CRYL1: variants seen among roughly 807,000 people sequenced by gnomAD.
CRYL1 encodes the protein crystallin lambda 1.
Under a neutral mutation model 36.6 loss-of-function variants are expected in CRYL1, and 29 were observed. The observed-to-expected ratio is 0.79, with a 90% CI of 0.59 to 1.08. CRYL1 has a LOEUF of 1.08. Among genes scored for constraint, CRYL1 ranks in the 50% least tolerant of loss-of-function variants. CRYL1 has a pLI of 0.00. For synonymous variants in CRYL1, 152 were observed against 151.5 expected (o/e 1.00, Z -0.02); for missense variants, 411 against 407.9 (o/e 1.01, Z -0.06).
At position 20,432,148 on chromosome 13, in the gene CRYL1, T is replaced by C; in HGVS notation, c.587A>G (p.Asn196Ser). The C allele has an allele frequency of 6.2e-7, 1 of 1,613,928 alleles. No individual in the cohort carries two copies. The highest frequency in any genetic ancestry group is 8.5e-7 in the Non-Finnish European group (1 of 1,179,968). Residue 196 changes from asparagine (N) to serine (S), a missense_variant, in exon 5 of 8, where the codon AAC becomes AGC. By Grantham distance (46) the Asn-to-Ser change is conservative. Coordinates refer to ENST00000298248, the MANE Select transcript of CRYL1 (RefSeq NM_015974.3). ...GCTGATGATTGCATATTGCAGGCGG[T>C]TCAGAACGAAGCCGGCCACCTCCTT... ...VQKEVAGFVLNRLQYAIISEA... is the reference protein window; with the variant it reads ...VQKEVAGFVLSRLQYAIISEA...
intron 5 of CRYL1, chr13:20,431,881 A>T: frequency 6.7e-7 from 1 of 1,492,756 alleles, no homozygotes; most frequent in Non-Finnish European, 8.9e-7. Flanking sequence ...GGTGACTGTA[A>T]GAAGAACCTC....
At chr13:20,417,824 G>A (rs1593430677) in intron 5 of CRYL1, among the ~76,000 whole-genome samples, 1 of 152,072 alleles carries the variant, frequency 6.6e-6, no homozygotes, top group East Asian at 1.9e-4. Context: ...ATGCAAGATA[G>A]TTAATAACGT....
At chr13:20,404,489 A>G in intron 7 of CRYL1, 146 bp downstream of exon 7, 1 of 656,954 alleles carries the variant, frequency 1.5e-6, no homozygotes. Flanking sequence ...GGAAGTATGA[A>G]CAAAGTTATG....
At chr13:20,453,104 A>G (rs2032605918) in intron 3 of CRYL1, among the ~76,000 whole-genome samples, 1 of 152,226 alleles carries the variant, frequency 6.6e-6, no homozygotes, top group African/African-American at 2.4e-5. Flanking sequence ...ATTATCAACC[A>G]ACTTGATCTA....
At chr13:20,446,053 C>T (rs978076151) in intron 3 of CRYL1, among the ~76,000 whole-genome samples, 1 of 152,166 alleles carries the variant, frequency 6.6e-6, no homozygotes, top group Non-Finnish European at 1.5e-5. Context: ...AGAATGGGCA[C>T]TACTTTACTT....
intron 3 of CRYL1, among the ~76,000 whole-genome samples, chr13:20,459,165 G>A (rs1421741110): frequency 1.3e-5 from 2 of 151,256 alleles, no homozygotes; most frequent in South Asian, 2.1e-4. Flanking sequence ...GATCCCGGGA[G>A]GCGGAGCTTG....
rs186459479 is a variant in CRYL1, at chr13:20,520,247, G to A, written c.41+5507C>T. ...GGATAAGTTTATTAAGTTTTGAGGAGCAATGTGGCAATTACCAGAGGGAAA... is the reference window on the plus strand; with the variant it reads ...GGATAAGTTTATTAAGTTTTGAGGAACAATGTGGCAATTACCAGAGGGAAA... On this transcript the variant is annotated intron_variant, in intron 1 of 7. Transcript: ENST00000298248. Among the ~76,000 whole-genome samples, 7 of 152,322 alleles carry A rather than the reference G, an allele frequency of 4.6e-5. No individual in the cohort carries two copies. The East Asian group carries it at 1.4e-3, about 29-fold the overall frequency.
At chr13:20,475,463 A>C in intron 3 of CRYL1, among the ~76,000 whole-genome samples, 1 of 152,246 alleles carries the variant, frequency 6.6e-6, no homozygotes, top group Admixed American at 6.5e-5. Flanking sequence ...AAAGCAATCA[A>C]AAATATTCCT....
intron 2 of CRYL1, among the ~76,000 whole-genome samples, chr13:20,505,330 C>T (rs2033773488): frequency 7.3e-6 from 1 of 137,532 alleles, no homozygotes; most frequent in Admixed American, 7.8e-5. Flanking sequence ...GCACTCCAGC[C>T]TGGGCAACAA....
Position 20,474,797 on chromosome 13 carries a change from G to A in CRYL1, c.276+14573C>T, listed in dbSNP as rs148264513. Among the ~76,000 whole-genome samples the A allele has an allele frequency of 1.3e-3, 192 of 152,186 alleles. 1 individual carries two copies. Among genetic ancestry groups the A allele is most frequent in the Middle Eastern group, 6.8e-3 (2 of 294 alleles). On this transcript the variant is annotated intron_variant, in intron 3 of 7. Coordinates refer to ENST00000298248, the MANE Select transcript of CRYL1 (RefSeq NM_015974.3). ...CCCAGAAAGGTTTGCTGGAGAAACC[G>A]TCACCTGCCTGGACTTGCCCCAGCC... is the stretch of plus-strand genomic sequence containing the variant.
At chr13:20,418,823 A>G (rs1593431223) in intron 5 of CRYL1, 1 of 152,230 alleles carries the variant, frequency 6.6e-6, no homozygotes, top group Non-Finnish European at 1.5e-5. Flanking sequence ...ATGAGGTTCT[A>G]TTCAAGTTCT....
At chr13:20,404,605 T>C in intron 7 of CRYL1, 30 bp downstream of exon 7, 1 of 1,455,994 alleles carries the variant, frequency 6.9e-7, no homozygotes. Flanking sequence ...AACATGCTTC[T>C]CTGCAGTGAG....
At chr13:20,466,970 C>T (rs1287615206) in intron 3 of CRYL1, among the ~76,000 whole-genome samples, 6 of 148,994 alleles carry the variant, frequency 4.0e-5, no homozygotes, top group South Asian at 2.1e-4. Context: ...TTTTCTGAGA[C>T]GGAGTCTCAC....
intron 3 of CRYL1, among the ~76,000 whole-genome samples, chr13:20,485,057 G>A (rs546718567): frequency 3.3e-5 from 5 of 152,142 alleles, no homozygotes; most frequent in African/African-American, 4.8e-5. Flanking sequence ...TCACTCTGTC[G>A]CCCAGGCTGG....
At position 20,489,380 on chromosome 13, in the gene CRYL1, A is replaced by G. The variant is rs746752974; in HGVS notation, c.266T>C (p.Met89Thr). ...GTGTCCTTCACTCACCTGAATGTGC[A>G]TGGCACCCTCTACTGCTTCTTGGAT... ...PNIQEAVEGA[M>T]HIQECVPEDL... Residue 89 changes from methionine to threonine, a missense_variant, in exon 3 of 8, where the codon ATG (methionine) becomes ACG (threonine). Coordinates refer to ENST00000298248, the MANE Select transcript of CRYL1 (RefSeq NM_015974.3). 6.8e-6 allele frequency: 11 copies of G among 1,613,324 alleles called. No individual in the cohort carries two copies. The highest frequency in any genetic ancestry group is 1.3e-5 in the African/African-American group (1 of 74,914).
chr13:20,502,979 G>T (rs147688644), intron 2 of CRYL1, among the ~76,000 whole-genome samples: 1 of 152,226 alleles, frequency 6.6e-6, no homozygotes, highest in African/African-American at 2.4e-5. Flanking sequence ...ACAGCACACA[G>T]GATCATGCCG....
chr13:20,464,549 G>A (rs1200787390), intron 3 of CRYL1, among the ~76,000 whole-genome samples: 4 of 152,100 alleles, frequency 2.6e-5, no homozygotes, highest in Admixed American at 6.6e-5. Flanking sequence ...GGAAGAAGGA[G>A]GAGAAACGGT....
Position 20,404,672 on chromosome 13 carries a change from G to A in CRYL1, c.809C>T (p.Pro270Leu). ...CTCAGCAGTGGCCCTGGAAAACTCT[G>A]GAATGGGTCCAAAAGTCTGTAGGAC... Reference protein sequence around the residue: ...KHVLQTFGPIPEFSRATAEKV... With the variant: ...KHVLQTFGPILEFSRATAEKV... The change falls in exon 7 of 8, where the codon CCA becomes CTA. Residue 270 changes from proline to leucine, a missense_variant. Pro to Leu is a moderately conservative substitution (Grantham distance 98, BLOSUM62 -3). Transcript: ENST00000298248. 1.2e-6 allele frequency: 2 copies of A among 1,613,950 alleles called. No individual in the cohort carries two copies. The highest frequency in any genetic ancestry group is 1.7e-6 in the Non-Finnish European group (2 of 1,179,826).
intron 6 of CRYL1, among the ~76,000 whole-genome samples, chr13:20,406,817 C>A (rs115932775): frequency 6.6e-6 from 1 of 151,764 alleles, no homozygotes; most frequent in Non-Finnish European, 1.5e-5. Context: ...CATATCCCCC[C>A]ACTTGCAGGC....
Sources: gnomAD v4.1 joint callset for allele counts (sites outside exome capture counted in the v4.1 genomes callset) on GRCh38, gnomAD v4.1.1 for gene constraint, MANE v1.5 for transcripts, NCBI Gene and HGNC (gene_info 2026-07-23, HGNC 2026-07-21) for gene names.